Variants in NAV3 observed in about 807,000 individuals in gnomAD.
NAV3 encodes pore membrane and/or filament interacting like protein 1.
In NAV3, 87 loss-of-function variants were observed where a neutral mutation model predicts 244.7. The ratio of observed to expected loss-of-function variants is 0.36; its 90% confidence interval spans 0.30 to 0.42. The LOEUF (loss-of-function observed/expected upper bound fraction) is 0.42, where lower values mean the gene tolerates loss of function less well. Ranked by LOEUF, NAV3 falls within the 20% of genes least tolerant of loss-of-function variation. The pLI, the probability that NAV3 is intolerant of heterozygous loss-of-function variation, is 1.00. For synonymous variants in NAV3, 1,126 were observed against 1,042.2 expected (o/e 1.08, Z -1.55); for missense variants, 2,663 against 2,893.3 (o/e 0.92, Z 1.83).
At chr12:77,672,804 T>C (rs889082011) in intron 2 of NAV3, among the ~76,000 whole-genome samples, 9 of 151,618 alleles carry the variant, frequency 5.9e-5, no homozygotes, top group Non-Finnish European at 1.3e-4. Flanking sequence ...TAAAAACTTA[T>C]TGAAATAAAA....
At chr12:77,662,910 A>T (rs1340190052) in intron 2 of NAV3, among the ~76,000 whole-genome samples, 6 of 152,174 alleles carry the variant, frequency 3.9e-5, no homozygotes, top group African/African-American at 1.4e-4. Context: ...ATGAGTATTT[A>T]AGTGAGTATG....
chr12:77,582,649 A>G (rs1869419418), intron 2 of NAV3, among the ~76,000 whole-genome samples: 1 of 152,232 alleles, frequency 6.6e-6, no homozygotes, highest in Non-Finnish European at 1.5e-5. Context: ...TTGCCAGCCC[A>G]TCAGCCACCA....
At chr12:77,715,392 A>G (rs193138234) in intron 2 of NAV3, among the ~76,000 whole-genome samples, 1 of 151,856 alleles carries the variant, frequency 6.6e-6, no homozygotes, top group African/African-American at 2.4e-5. Flanking sequence ...TCTTATTTGC[A>G]TTGCTTTTTC....
chr12:77,741,148 CAAA>C, intron 2 of NAV3, among the ~76,000 whole-genome samples: 4 of 68,674 alleles, frequency 5.8e-5, no homozygotes, highest in African/African-American at 1.8e-4. Flanking sequence ...AAAAAAAAGA[CAAA>C]AAAAAAAAAA....
intron 1 of NAV3, among the ~76,000 whole-genome samples, chr12:77,904,589 C>G (rs1167668698): frequency 1.3e-5 from 2 of 152,108 alleles, no homozygotes; most frequent in Non-Finnish European, 2.9e-5. Context: ...CACATGTATA[C>G]ATATGTAACA....
rs546243472 is a variant in NAV3 at position 78,171,225 on chromosome 12, T to C, written c.4981+2359T>C. The stretch of plus-strand genomic sequence containing the variant: ...ATGTGATGCATGGAAAATTACTGCA[T>C]ATTTAAAGCTTATCTTAGAGCTATA... On this transcript the variant is annotated intron_variant, in intron 24 of 39. Transcript: ENST00000397909. Among the ~76,000 whole-genome samples, 18 of 151,852 alleles carry C rather than the reference T, an allele frequency of 1.2e-4. No homozygotes were observed. The South Asian group carries it at 3.5e-3, about 30-fold the overall frequency.
At chr12:77,943,712 A>C (rs1890081371) in intron 3 of NAV3, among the ~76,000 whole-genome samples, 1 of 152,208 alleles carries the variant, frequency 6.6e-6, no homozygotes, top group African/African-American at 2.4e-5. Flanking sequence ...AGTAAGAGTG[A>C]GTGGTATACT....
intron 2 of NAV3, among the ~76,000 whole-genome samples, chr12:77,823,187 T>C (rs1160501480): frequency 6.6e-6 from 1 of 151,810 alleles, no homozygotes; most frequent in African/African-American, 2.4e-5. Context: ...CCCTTAGAAA[T>C]AGAGATCAAA....
At chr12:77,840,791 A>G (rs375970074) in intron 1 of NAV3, among the ~76,000 whole-genome samples, 1 of 152,172 alleles carries the variant, frequency 6.6e-6, no homozygotes, top group Non-Finnish European at 1.5e-5. Context: ...TGGAATTCCA[A>G]CCTAGGTCTA....
At chr12:77,919,041 G>C (rs761556420) in intron 1 of NAV3, among the ~76,000 whole-genome samples, 2 of 152,008 alleles carry the variant, frequency 1.3e-5, no homozygotes, top group South Asian at 4.1e-4. Context: ...ATGAAGCAGA[G>C]AGCCGATTTG....
Position 77,595,029 on chromosome 12 carries a change from A to T in NAV3, c.72+22763A>T, listed in dbSNP as rs559085884. On this transcript the variant is annotated intron_variant, in intron 2 of 8. Transcript: ENST00000550042. ...TCAAAAAATTAAAAATAGAATTATC[A>T]TATGATCTAGCAATCCCTCTTCTAG... 4.3e-4 allele frequency among the ~76,000 whole-genome samples: 66 copies of T among 152,324 alleles called. 1 individual carries two copies. In the South Asian group the frequency reaches 0.013, roughly 30 times the overall value.
In NAV3 at chr12:78,119,913, G is replaced by A. The variant is rs766741065; in HGVS notation, c.3717G>A (p.Lys1239=). ...GAQGLRQPGS[K]YPDIASPTFR... Reference sequence around the variant, plus strand: ...AAGGTCTCAGGCAGCCAGGATCCAAGTATCCAGATATTGCCTCACCCACAT... The same window carrying A: ...AAGGTCTCAGGCAGCCAGGATCCAAATATCCAGATATTGCCTCACCCACAT... Residue 1239 remains lysine (K), a synonymous_variant, in exon 15 of 40, where the codon AAG becomes AAA. Transcript: ENST00000397909. 1.9e-6 allele frequency: 3 copies of A among 1,613,880 alleles called. No individual in the cohort carries two copies. In the African/African-American group the frequency reaches 4.0e-5, roughly 22 times the overall value.
chr12:78,198,016 G>A (rs1959208568), intron 35 of NAV3, among the ~76,000 whole-genome samples: 2 of 151,702 alleles, frequency 1.3e-5, no homozygotes, highest in South Asian at 4.2e-4. Flanking sequence ...AAAAGGAAAG[G>A]TTAAAGTAAG....
chr12:78,173,908 A>T (rs1958111888), intron 24 of NAV3, among the ~76,000 whole-genome samples: 1 of 151,716 alleles, frequency 6.6e-6, no homozygotes, highest in African/African-American at 2.4e-5. Flanking sequence ...CATGTCTATC[A>T]ATCCATACAT....
intron 2 of NAV3, among the ~76,000 whole-genome samples, chr12:77,650,617 C>T (rs879611381): frequency 1.3e-5 from 2 of 152,036 alleles, no homozygotes; most frequent in South Asian, 2.1e-4. Flanking sequence ...ATGTGCTTGA[C>T]TTTAGTTATT....
rs559847492 is a variant in NAV3, at chr12:78,011,243, T to C, written c.1907+3798T>C. Among the ~76,000 whole-genome samples, 15 of 152,286 alleles carry C rather than the reference T, an allele frequency of 9.8e-5. No individual in the cohort carries two copies. In the South Asian group the frequency reaches 3.1e-3, roughly 32 times the overall value. ...GGCAAAGTGACCAGTTATTACAGTT[T>C]AAGCAAAGGGAAATTGCTGCATACT... On this transcript the variant is annotated intron_variant, in intron 8 of 39. Coordinates refer to ENST00000397909, the MANE Select transcript of NAV3 (RefSeq NM_001024383.2).
At chr12:77,922,366 C>T (rs898746725) in intron 1 of NAV3, among the ~76,000 whole-genome samples, 9 of 152,050 alleles carry the variant, frequency 5.9e-5, no homozygotes, top group African/African-American at 2.2e-4. Flanking sequence ...TCGGGTCATT[C>T]GGGCTCTTGT....
intron 2 of NAV3, among the ~76,000 whole-genome samples, chr12:77,710,240 CA>C (rs1425174793): frequency 3.9e-5 from 6 of 152,198 alleles, no homozygotes; most frequent in African/African-American, 1.4e-4. Flanking sequence ...ATTTCAGAAA[CA>C]AAAGGATTTT....
intron 9 of NAV3, among the ~76,000 whole-genome samples, chr12:78,045,296 A>G (rs577404293): frequency 1.3e-5 from 2 of 152,120 alleles, no homozygotes; most frequent in East Asian, 3.9e-4. Flanking sequence ...ATCGTGGTGG[A>G]TAAGCTTTTT....
Sources: allele counts gnomAD v4.1 joint callset (sites outside exome capture counted in the v4.1 genomes callset), GRCh38; gene constraint gnomAD v4.1.1; transcripts MANE v1.5; gene names NCBI Gene and HGNC (gene_info 2026-07-23, HGNC 2026-07-21).